The following ASCC3 variants were observed in gnomAD, a reference collection of about 807,000 sequenced individuals.
ASCC3 encodes the protein ASC-1 complex subunit P200.
In ASCC3, 158 loss-of-function variants were observed where a neutral mutation model predicts 256.3. The observed-to-expected ratio is 0.62, with a 90% CI of 0.54 to 0.70. The LOEUF is 0.70. Ranked by LOEUF, ASCC3 falls within the 30% of genes least tolerant of loss-of-function variation. The pLI, the probability that ASCC3 is intolerant of heterozygous loss-of-function variation, is 0.00. For missense variants in ASCC3, 2,259 were observed against 2,626.0 expected, an observed-to-expected ratio of 0.86 and a Z score of 3.05; for synonymous variants, 948 against 883.4, an observed-to-expected ratio of 1.07 and a Z score of -1.30.
intron 34 of ASCC3, among the ~76,000 whole-genome samples, chr6:100,590,644 C>T (rs1380243467): frequency 1.3e-5 from 2 of 152,186 alleles, no homozygotes; most frequent in East Asian, 3.9e-4. Flanking sequence ...TCTTAGAGAA[C>T]CGGTTCTCAT....
chr6:100,809,537 AT>A (rs1770357877), intron 4 of ASCC3, among the ~76,000 whole-genome samples: 1 of 152,074 alleles, frequency 6.6e-6, no homozygotes, highest in Non-Finnish European at 1.5e-5. Flanking sequence ...AAACATCCTT[AT>A]GCAGCACATG....
intron 7 of ASCC3, 119 bp downstream of exon 7, chr6:100,799,312 T>C: frequency 8.7e-7 from 1 of 1,148,284 alleles, no homozygotes; most frequent in South Asian, 1.3e-5. Context: ...CCCAATACTT[T>C]AAAATAAAAT....
chr6:100,614,363 C>T (rs1249221003), intron 30 of ASCC3, among the ~76,000 whole-genome samples: 2 of 152,034 alleles, frequency 1.3e-5, no homozygotes, highest in African/African-American at 2.4e-5. Context: ...TACCACAACT[C>T]TCAACAAAGA....
chr6:100,809,689 T>A (rs1171595652), intron 4 of ASCC3, among the ~76,000 whole-genome samples: 1 of 152,140 alleles, frequency 6.6e-6, no homozygotes, highest in Non-Finnish European at 1.5e-5. Flanking sequence ...TTTTGATAAC[T>A]GATGGCCAAG....
chr6:100,742,939 T>A (rs1282503775), intron 10 of ASCC3, among the ~76,000 whole-genome samples: 1 of 152,162 alleles, frequency 6.6e-6, no homozygotes, highest in African/African-American at 2.4e-5. Context: ...CCTAGGGGAA[T>A]GTCCAGGTGG....
rs566113099 is a variant in ASCC3, at chr6:100,573,721, G to A, written c.5550+15913C>T. On this transcript the variant is annotated intron_variant, in intron 36 of 41. Transcript: ENST00000369162. ...TATCACTAAGCAGAGACTTACTACC[G>A]ATAATTAAAAAATGTTCAAAACCAG... is the stretch of plus-strand genomic sequence containing the variant. Among the ~76,000 whole-genome samples, 132 of 152,046 alleles carry A rather than the reference G, an allele frequency of 8.7e-4. 4 individuals carry two copies. The highest frequency in any genetic ancestry group is 1.9e-3 in the East Asian group (10 of 5,174).
Position 100,650,579 on chromosome 6 carries a change from C to A in ASCC3, c.3211G>T (p.Asp1071Tyr). 3.1e-6 allele frequency: 5 copies of A among 1,612,726 alleles called. No individual in the cohort carries two copies. The highest frequency in any genetic ancestry group is 4.2e-6 in the Non-Finnish European group (5 of 1,179,112). Reference sequence around the variant, plus strand: ...GAATCTGATATAAGGGAGAAACTGTCCATTTCTCCTCGGCTGATATAAGTT... The same window carrying A: ...GAATCTGATATAAGGGAGAAACTGTACATTTCTCCTCGGCTGATATAAGTT... Reference protein sequence around the residue: ...LQTYISRGEMDSFSLISDSAY... With the variant: ...LQTYISRGEMYSFSLISDSAY... Residue 1071 changes from aspartate to tyrosine, a missense_variant, in exon 20 of 42, where the codon GAC becomes TAC. Around this residue, in one of 2 missense-constraint regions of ASCC3, gnomAD observed 1,839 missense variants for 2,206.7 expected, o/e 0.83. Coordinates refer to ENST00000369162, the MANE Select transcript of ASCC3 (RefSeq NM_006828.4).
chr6:100,804,624 A>C (rs1770078603), intron 5 of ASCC3, among the ~76,000 whole-genome samples: 1 of 152,148 alleles, frequency 6.6e-6, no homozygotes, highest in Non-Finnish European at 1.5e-5. Flanking sequence ...ACACTTCTCA[A>C]TAAAAGACAT....
intron 36 of ASCC3, among the ~76,000 whole-genome samples, chr6:100,575,133 G>C (rs1045383197): frequency 1.3e-5 from 2 of 152,070 alleles, no homozygotes; most frequent in African/African-American, 4.8e-5. Flanking sequence ...TTTGGAAATG[G>C]AAGGCCATGA....
chr6:100,718,049 A>G, intron 12 of ASCC3, 26 bp downstream of exon 12: 1 of 1,600,794 alleles, frequency 6.2e-7, no homozygotes, highest in Non-Finnish European at 8.5e-7. Context: ...AAATATTTTT[A>G]GATAAGAATT....
chr6:100,609,621 T>C (rs1014094799), intron 30 of ASCC3, among the ~76,000 whole-genome samples: 4 of 152,110 alleles, frequency 2.6e-5, no homozygotes, highest in Admixed American at 2.6e-4. Flanking sequence ...TAAATAGTTG[T>C]GGCTGGGTGT....
intron 13 of ASCC3, among the ~76,000 whole-genome samples, chr6:100,712,921 C>T (rs1301434922): frequency 6.6e-6 from 1 of 151,840 alleles, no homozygotes; most frequent in Admixed American, 6.6e-5. Flanking sequence ...CCACGCCCGG[C>T]TAACTTTTTT....
intron 25 of ASCC3, among the ~76,000 whole-genome samples, chr6:100,635,015 T>A (rs1373037322): frequency 6.6e-6 from 1 of 151,114 alleles, no homozygotes; most frequent in African/African-American, 2.4e-5. Flanking sequence ...TCTTTAAAAA[T>A]TAAGCATAGA....
intron 10 of ASCC3, among the ~76,000 whole-genome samples, chr6:100,741,286 G>A (rs1170570691): frequency 6.6e-6 from 1 of 152,082 alleles, no homozygotes; most frequent in African/African-American, 2.4e-5. Context: ...GTAGGTGACT[G>A]GGCCTTTCTC....
chr6:100,793,136 C>T (rs1286035418), intron 8 of ASCC3, among the ~76,000 whole-genome samples: 1 of 151,870 alleles, frequency 6.6e-6, no homozygotes, highest in Non-Finnish European at 1.5e-5. Context: ...TAGAACTAAA[C>T]AAAGCAGTCA....
chr6:100,593,423 C>T (rs1298715973), intron 34 of ASCC3, among the ~76,000 whole-genome samples: 3 of 152,054 alleles, frequency 2.0e-5, no homozygotes, highest in Non-Finnish European at 2.9e-5. Context: ...TTTAAAAGAT[C>T]TTATCAAAGG....
At chr6:100,877,167 C>A (rs1309243231) in intron 1 of ASCC3, among the ~76,000 whole-genome samples, 1 of 151,998 alleles carries the variant, frequency 6.6e-6, no homozygotes, top group Non-Finnish European at 1.5e-5. Flanking sequence ...TCCAAAACAG[C>A]CAAACTATAT....
At chr6:100,830,910 GTT>G (rs890448561) in intron 4 of ASCC3, among the ~76,000 whole-genome samples, 29 of 152,224 alleles carry the variant, frequency 1.9e-4, no homozygotes, top group African/African-American at 6.5e-4. Flanking sequence ...TGATTTCTTG[GTT>G]TTGTTTTCCT....
intron 4 of ASCC3, among the ~76,000 whole-genome samples, chr6:100,809,987 G>A (rs925289726): frequency 2.0e-5 from 3 of 151,992 alleles, no homozygotes; most frequent in South Asian, 2.1e-4. Context: ...ATACTAACAC[G>A]CAAATCTGTT....
Sources: allele counts gnomAD v4.1 joint callset (sites outside exome capture counted in the v4.1 genomes callset), GRCh38; gene constraint gnomAD v4.1.1; regional missense constraint gnomAD v4.1.1; transcripts MANE v1.5; gene names NCBI Gene and HGNC (gene_info 2026-07-23, HGNC 2026-07-21).